The following THSD4 variants were observed in gnomAD, a reference collection of about 807,000 sequenced individuals.
THSD4 encodes thrombospondin type 1 domain containing 4.
Under a neutral mutation model 119.0 loss-of-function variants are expected in THSD4, and 69 were observed. The observed-to-expected ratio is 0.58, with a 90% CI of 0.48 to 0.71. THSD4 has a LOEUF of 0.71. Ranked by LOEUF, THSD4 falls within the 30% of genes least tolerant of loss-of-function variation. The pLI, the probability that THSD4 is intolerant of heterozygous loss-of-function variation, is 0.00. For missense variants in THSD4, 1,393 were observed against 1,391.1 expected (o/e 1.00, Z -0.02); for synonymous variants, 524 against 540.4 (o/e 0.97, Z 0.42).
At chr15:71,589,912 A>G (rs934742336) in intron 7 of THSD4, among the ~76,000 whole-genome samples, 5 of 139,814 alleles carry the variant, frequency 3.6e-5, no homozygotes, top group African/African-American at 1.3e-4. Context: ...CATCATGGAC[A>G]CAAATAAGAA....
chr15:71,603,638 C>A (rs1053224631), intron 7 of THSD4, among the ~76,000 whole-genome samples: 1 of 150,014 alleles, frequency 6.7e-6, no homozygotes, highest in Non-Finnish European at 1.5e-5. Context: ...ACTGGCTGAG[C>A]AAGCCGATGG....
intron 7 of THSD4, among the ~76,000 whole-genome samples, chr15:71,443,846 T>C (rs976884595): frequency 2.6e-5 from 4 of 152,240 alleles, no homozygotes; most frequent in South Asian, 2.1e-4. Flanking sequence ...CAAAGGTGCA[T>C]AACAAATACT....
At chr15:71,735,991 C>CCTCTCTGTCTCTCTTG (rs1269753807) in intron 10 of THSD4, among the ~76,000 whole-genome samples, 5 of 101,102 alleles carry the variant, frequency 4.9e-5, no homozygotes, top group Non-Finnish European at 1.0e-4. Context: ...TGTCTCTGTC[C>CCTCTCTGTCTCTCTTG]CTCTCTGTCT....
At position 71,411,766 on chromosome 15, in the gene THSD4, C is replaced by T. The variant is rs373759580; in HGVS notation, c.1095C>T (p.Ile365=). 8.1e-6 allele frequency: 13 copies of T among 1,614,018 alleles called. No individual in the cohort carries two copies. Among genetic ancestry groups the T allele is most frequent in the Admixed American group, 1.7e-5 (1 of 60,010 alleles). The part of the protein sequence containing the change: ...RFYVRQAEKV[I]DGTPCDQNGT... ...ATGTACGGCAAGCTGAGAAAGTCAT[C>T]GATGGCACCCCCTGTGACCAGAACG... Residue 365 remains isoleucine (I), a synonymous_variant, in exon 7 of 18, where the codon ATC becomes ATT. Transcript: ENST00000261862.
chr15:71,542,006 C>T (rs1422078691), intron 7 of THSD4, among the ~76,000 whole-genome samples: 1 of 152,180 alleles, frequency 6.6e-6, no homozygotes, highest in Non-Finnish European at 1.5e-5. Flanking sequence ...ATTTGGACTT[C>T]ATCCCAAAGG....
At chr15:71,166,776 C>A (rs143826740) in intron 3 of THSD4, among the ~76,000 whole-genome samples, 1 of 152,100 alleles carries the variant, frequency 6.6e-6, no homozygotes, top group Non-Finnish European at 1.5e-5. Context: ...TCAGGCAACT[C>A]TAGTTGGCCA....
At position 71,728,650 on chromosome 15, in the gene THSD4, C is replaced by G; in HGVS notation, c.1459C>G (p.Pro487Ala). Residue 487 changes from proline (P) to alanine (A), a missense_variant, in exon 9 of 18, where the codon CCA becomes GCA. Transcript: ENST00000261862. Reference sequence around the variant, plus strand: ...AGGGACCATGTTCACCTACAAGCGTCCAAATGAGATTTCGAGCACTGCCGG... The same window carrying G: ...AGGGACCATGTTCACCTACAAGCGTGCAAATGAGATTTCGAGCACTGCCGG... ...GGGTMFTYKR[P>A]NEISSTAGES... The G allele has an allele frequency of 6.2e-7, 1 of 1,614,206 alleles. No individual in the cohort carries two copies. Among genetic ancestry groups the G allele is most frequent in the Non-Finnish European group, 8.5e-7 (1 of 1,180,052 alleles).
At chr15:71,152,143 C>A (rs1946035697) in intron 2 of THSD4, among the ~76,000 whole-genome samples, 1 of 152,216 alleles carries the variant, frequency 6.6e-6, no homozygotes, top group Non-Finnish European at 1.5e-5. Flanking sequence ...AAAGTCTAGG[C>A]TGTGCATGGT....
rs2046798572 is a variant in THSD4 at position 71,421,039 on chromosome 15, G to A, written c.1152+9216G>A. Among the ~76,000 whole-genome samples the A allele has an allele frequency of 2.0e-5, 2 of 100,000 alleles. 1 individual carries two copies. Among genetic ancestry groups the A allele is most frequent in the African/African-American group, 6.9e-5 (2 of 29,168 alleles). The allele number at this position is 100,000 out of a possible 152,430, so 65.6% of individuals were successfully genotyped here. A position where few individuals can be genotyped will look rare whatever the true frequency, so the allele number is the denominator to read the frequency against. The stretch of plus-strand genomic sequence containing the variant: ...AAAAATTACTTGGTTGTGGTGACAT[G>A]CACCTATAATTCTAGCTACTCAGGC... On this transcript the variant is annotated intron_variant, in intron 7 of 17. Transcript: ENST00000261862.
chr15:71,350,945 C>T (rs914124915), intron 6 of THSD4, among the ~76,000 whole-genome samples: 19 of 152,292 alleles, frequency 1.2e-4, no homozygotes, highest in South Asian at 2.1e-4. Flanking sequence ...ATACATGAGA[C>T]CACTCAGGTC....
In THSD4 at chr15:71,778,681, C is replaced by G. The variant is rs1391379998; in HGVS notation, c.*1307C>G. On this transcript the variant is annotated 3_prime_UTR_variant, in exon 18 of 18. Coordinates refer to ENST00000261862, the MANE Select transcript of THSD4 (RefSeq NM_024817.3). ...GTGGCCACAAATTCCTCCCCTCCCC[C>G]ATGACTCACAGTCCATATGGCCCAC... The G allele has an allele frequency of 6.6e-6, 1 of 151,840 alleles. No individual in the cohort carries two copies. Among genetic ancestry groups the G allele is most frequent in the South Asian group, 2.1e-4 (1 of 4,792 alleles). 9.4% of individuals were successfully genotyped at this position (151,840 alleles called of 1,614,324 possible).
chr15:71,377,855 G>A (rs1012852989), intron 6 of THSD4, among the ~76,000 whole-genome samples: 19 of 107,220 alleles, frequency 1.8e-4, no homozygotes, highest in Admixed American at 4.4e-4. Context: ...CTCTATTCCC[G>A]GACATATCCA....
intron 6 of THSD4, among the ~76,000 whole-genome samples, chr15:71,410,059 C>G (rs972555562): frequency 6.6e-6 from 1 of 152,128 alleles, no homozygotes; most frequent in South Asian, 2.1e-4. Context: ...TGAGCACCCT[C>G]TGTGTGCCAG....
intron 6 of THSD4, among the ~76,000 whole-genome samples, chr15:71,410,515 A>T (rs2046672344): frequency 6.6e-6 from 1 of 152,244 alleles, no homozygotes; most frequent in African/African-American, 2.4e-5. Context: ...TAGACTGTGT[A>T]TTTAGGAATG....
intron 7 of THSD4, among the ~76,000 whole-genome samples, chr15:71,462,128 C>CT (rs1205811282): frequency 1.3e-5 from 2 of 152,092 alleles, no homozygotes; most frequent in Non-Finnish European, 2.9e-5. Flanking sequence ...TTCATATTGT[C>CT]TTTTAAAAAA....
intron 7 of THSD4, among the ~76,000 whole-genome samples, chr15:71,551,609 T>C (rs993477168): frequency 1.3e-5 from 2 of 152,138 alleles, no homozygotes; most frequent in African/African-American, 4.8e-5. Context: ...AAAAGGTTCC[T>C]GGGGTAAAGT....
At chr15:71,591,311 GC>G (rs1399732727) in intron 7 of THSD4, among the ~76,000 whole-genome samples, 5 of 152,186 alleles carry the variant, frequency 3.3e-5, no homozygotes. Flanking sequence ...GCCTTTCAAG[GC>G]TGCCCTGTTG....
intron 6 of THSD4, among the ~76,000 whole-genome samples, chr15:71,338,529 C>G (rs1160903010): frequency 6.6e-6 from 1 of 152,094 alleles, no homozygotes; most frequent in Non-Finnish European, 1.5e-5. Flanking sequence ...GTTCTTTCGG[C>G]TCTGATTTCT....
intron 1 of THSD4, among the ~76,000 whole-genome samples, chr15:71,117,448 C>T (rs527892537): frequency 4.6e-5 from 7 of 152,188 alleles, no homozygotes; most frequent in African/African-American, 1.7e-4. Flanking sequence ...TCCATGGTAC[C>T]ACTTTTATCC....
Sources: allele counts gnomAD v4.1 joint callset (sites outside exome capture counted in the v4.1 genomes callset), GRCh38; gene constraint gnomAD v4.1.1; transcripts MANE v1.5; gene names NCBI Gene and HGNC (gene_info 2026-07-23, HGNC 2026-07-21).